Variants in SSBP2 observed in about 807,000 individuals in gnomAD.
The protein encoded by SSBP2 is single-stranded DNA-binding protein 2.
A neutral mutation model predicts 61.8 loss-of-function variants in SSBP2; 17 were observed. The ratio of observed to expected loss-of-function variants is 0.28; its 90% CI spans 0.19 to 0.41. The LOEUF (loss-of-function observed/expected upper bound fraction) is 0.41, where lower values mean the gene tolerates loss of function less well. Ranked by LOEUF, SSBP2 falls within the 10% of genes least tolerant of loss-of-function variation. The pLI, the probability that SSBP2 is intolerant of heterozygous loss-of-function variation, is 1.00. For synonymous variants in SSBP2, 139 were observed against 141.3 expected, an observed-to-expected ratio of 0.98 and a Z score of 0.12; for missense variants, 310 against 458.7, an observed-to-expected ratio of 0.68 and a Z score of 2.96.
intron 1 of SSBP2, among the ~76,000 whole-genome samples, chr5:81,694,701 G>A (rs1753472385): frequency 6.6e-6 from 1 of 152,188 alleles, no homozygotes; most frequent in South Asian, 2.1e-4. Context: ...AAGGCTTGGT[G>A]TAGTGGCTCA....
At chr5:81,458,627 T>C (rs1259150910) in intron 10 of SSBP2, among the ~76,000 whole-genome samples, 1 of 152,208 alleles carries the variant, frequency 6.6e-6, no homozygotes, top group East Asian at 1.9e-4. Context: ...ATATGCTGCC[T>C]TGAGGAGTCA....
chr5:81,744,152 A>T (rs1757208098), intron 1 of SSBP2, among the ~76,000 whole-genome samples: 1 of 152,228 alleles, frequency 6.6e-6, no homozygotes, highest in African/African-American at 2.4e-5. Context: ...AAATGATAGC[A>T]CTGCTGTTAA....
intron 1 of SSBP2, among the ~76,000 whole-genome samples, chr5:81,654,184 C>T (rs1750011943): frequency 6.6e-6 from 1 of 151,940 alleles, no homozygotes; most frequent in Non-Finnish European, 1.5e-5. Flanking sequence ...AGGCTGGTCC[C>T]GAACTCCTGA....
intron 6 of SSBP2, among the ~76,000 whole-genome samples, chr5:81,487,737 A>T (rs895934612): frequency 4.0e-5 from 6 of 151,428 alleles, no homozygotes; most frequent in Admixed American, 1.3e-4. Flanking sequence ...ATCCATTACC[A>T]CTCATGCTTT....
In SSBP2 at chr5:81,414,263, A is replaced by G. The variant is rs1422670989; in HGVS notation, c.*6241T>C. 1.3e-5 allele frequency: 2 copies of G among 152,124 alleles called. No homozygotes were observed. The highest frequency in any genetic ancestry group is 6.5e-5 in the Admixed American group (1 of 15,274). The allele number at this position is 152,124 out of a possible 1,614,324, so 9.4% of individuals were successfully genotyped here. The stretch of plus-strand genomic sequence containing the variant: ...GTCCCACTTTAAAATTTTAATATCT[A>G]TATATAGTACTGTATTTAATTTTTA... On this transcript the variant is annotated 3_prime_UTR_variant, in exon 17 of 17. Transcript: ENST00000320672.
At chr5:81,647,740 T>A (rs1300994608) in intron 2 of SSBP2, among the ~76,000 whole-genome samples, 1 of 152,048 alleles carries the variant, frequency 6.6e-6, no homozygotes, top group African/African-American at 2.4e-5. Flanking sequence ...CCAGAGAAAA[T>A]GAAATAATGA....
chr5:81,597,226 C>T (rs189431623), intron 4 of SSBP2, among the ~76,000 whole-genome samples: 6 of 152,154 alleles, frequency 3.9e-5, no homozygotes, highest in South Asian at 4.1e-4. Flanking sequence ...TCACAAAAGA[C>T]GACATTTATG....
chr5:81,445,138 T>TATATATA (rs1453692261), intron 12 of SSBP2, among the ~76,000 whole-genome samples: 1,289 of 33,856 alleles, frequency 0.038, 212 homozygotes, highest in African/African-American at 0.055. Context: ...AAAAAAAATT[T>TATATATA]TATATATATA....
intron 1 of SSBP2, among the ~76,000 whole-genome samples, chr5:81,746,696 A>G (rs1757368683): frequency 6.6e-6 from 1 of 152,152 alleles, no homozygotes; most frequent in African/African-American, 2.4e-5. Context: ...AAAATTTAAA[A>G]GCCAAAGTTA....
chr5:81,466,369 T>C (rs2154008800), intron 9 of SSBP2, among the ~76,000 whole-genome samples: 1 of 152,182 alleles, frequency 6.6e-6, no homozygotes, highest in East Asian at 1.9e-4. Flanking sequence ...TTTAGTTTAC[T>C]CCTTATCTAA....
chr5:81,668,281 A>C (rs2153777172), intron 1 of SSBP2, among the ~76,000 whole-genome samples: 1 of 151,300 alleles, frequency 6.6e-6, no homozygotes, highest in South Asian at 2.1e-4. Context: ...AAACAGGAAA[A>C]AGGAAAAAAA....
chr5:81,443,719 C>A (rs750993933), intron 12 of SSBP2, among the ~76,000 whole-genome samples: 1 of 152,136 alleles, frequency 6.6e-6, no homozygotes, highest in East Asian at 1.9e-4. Context: ...CATGCCACCA[C>A]GCCTGGCTAA....
At chr5:81,468,940 G>A (rs1765068883) in intron 8 of SSBP2, among the ~76,000 whole-genome samples, 1 of 151,782 alleles carries the variant, frequency 6.6e-6, no homozygotes, top group Non-Finnish European at 1.5e-5. Context: ...CTAGCAAGGG[G>A]GTCTCTGAGA....
intron 4 of SSBP2, among the ~76,000 whole-genome samples, chr5:81,568,199 C>T (rs1348180580): frequency 6.6e-6 from 1 of 152,096 alleles, no homozygotes; most frequent in Non-Finnish European, 1.5e-5. Flanking sequence ...AATTGTACTC[C>T]CATAATTCCC....
At chr5:81,750,853 CT>C in intron 1 of SSBP2, 127 bp downstream of exon 1, 2 of 1,056,148 alleles carry the variant, frequency 1.9e-6, no homozygotes, top group Non-Finnish European at 1.4e-6. Context: ...CGCGGCACCC[CT>C]CCCCCTGCCA....
intron 4 of SSBP2, among the ~76,000 whole-genome samples, chr5:81,579,507 T>C (rs1774483834): frequency 6.6e-6 from 1 of 152,034 alleles, no homozygotes; most frequent in Non-Finnish European, 1.5e-5. Context: ...ACAGATCACA[T>C]CACCAATGTA....
At chr5:81,495,517 A>G (rs1159762523) in intron 5 of SSBP2, among the ~76,000 whole-genome samples, 1 of 152,180 alleles carries the variant, frequency 6.6e-6, no homozygotes, top group African/African-American at 2.4e-5. Context: ...AAGAATTTCT[A>G]TAGGCTCCAT....
chr5:81,430,955 T>G (rs1412268851), intron 15 of SSBP2, among the ~76,000 whole-genome samples: 1 of 152,124 alleles, frequency 6.6e-6, no homozygotes, highest in Non-Finnish European at 1.5e-5. Context: ...AGCTCCTCAA[T>G]GGGAAATCTT....
At chr5:81,431,962 T>C (rs562135896) in intron 15 of SSBP2, among the ~76,000 whole-genome samples, 1 of 152,250 alleles carries the variant, frequency 6.6e-6, no homozygotes, top group Non-Finnish European at 1.5e-5. Flanking sequence ...TAAAACTTTT[T>C]AAAATTTTAA....
Sources: gnomAD v4.1 joint callset for allele counts (sites outside exome capture counted in the v4.1 genomes callset) on GRCh38, gnomAD v4.1.1 for gene constraint, MANE v1.5 for transcripts, NCBI Gene and HGNC (gene_info 2026-07-23, HGNC 2026-07-21) for gene names.